Variants in ANKRD27 observed in about 807,000 individuals in gnomAD.
ANKRD27 encodes the protein ankyrin repeat domain-containing protein 27.
Under a neutral mutation model 129.7 loss-of-function variants are expected in ANKRD27, and 112 were observed. The observed-to-expected ratio is 0.86, with a 90% CI of 0.74 to 1.01. The LOEUF is 1.01. ANKRD27 is among the 50% of genes least tolerant of loss of function. The pLI, the probability that ANKRD27 is intolerant of heterozygous loss-of-function variation, is 0.00. For missense variants in ANKRD27, 1,258 were observed against 1,300.5 expected (o/e 0.97, Z 0.50); for synonymous variants, 516 against 511.2 (o/e 1.01, Z -0.13).
At chr19:32,599,365 T>C (rs34540877) in intron 28 of ANKRD27, among the ~76,000 whole-genome samples, 2,972 of 152,326 alleles carry the variant, frequency 0.02, 38 homozygotes, top group Non-Finnish European at 0.029. Context: ...GGAGACATCA[T>C]TTACCCATCT....
chr19:32,602,016 T>G lies in ANKRD27; in HGVS notation c.2766A>C (p.Lys922Asn). Residue 922 changes from lysine (K) to asparagine (N), a missense_variant and splice_region_variant, in exon 26 of 29, where the codon AAA becomes AAC. Lys to Asn is a moderately conservative substitution (Grantham distance 94, BLOSUM62 0). Transcript: ENST00000306065. ...GACAGAAAGAACGTAAACTCTTACA[T>G]TTTTTCCTGATCTTAACAGTGACAT... ...KEYVTVKIRK[K>N]WNSKLYDLPD... 6.2e-7 allele frequency: 1 copy of G among 1,603,340 alleles called. No homozygotes were observed. The highest frequency in any genetic ancestry group is 8.5e-7 in the Non-Finnish European group (1 of 1,172,522).
intron 2 of ANKRD27, 130 bp from the exon 3 acceptor site, chr19:32,649,922 C>A: frequency 1.5e-6 from 1 of 684,544 alleles, no homozygotes; most frequent in South Asian, 1.6e-5. Context: ...GCCCGAGGTC[C>A]CTTGCCAACA....
At chr19:32,624,868 G>A (rs1402505609) in intron 17 of ANKRD27, among the ~76,000 whole-genome samples, 1 of 152,078 alleles carries the variant, frequency 6.6e-6, no homozygotes. Context: ...AGGAGGCTAA[G>A]GCTGCAGTGA....
chr19:32,619,450 T>G, intron 19 of ANKRD27, 44 bp downstream of exon 19: 1 of 1,613,970 alleles, frequency 6.2e-7, no homozygotes, highest in Non-Finnish European at 8.5e-7. Flanking sequence ...GAAGGCGCCC[T>G]TGGTCTCCAA....
At chr19:32,629,397 A>G (rs1490358697) in intron 13 of ANKRD27, among the ~76,000 whole-genome samples, 1 of 152,174 alleles carries the variant, frequency 6.6e-6, no homozygotes, top group Non-Finnish European at 1.5e-5. Flanking sequence ...AAAGTTTCCC[A>G]TAATTAAAAA....
intron 22 of ANKRD27, among the ~76,000 whole-genome samples, chr19:32,608,768 A>G (rs1476612654): frequency 1.3e-5 from 2 of 152,122 alleles, no homozygotes; most frequent in East Asian, 2.0e-4. Context: ...CCTGGCCAAC[A>G]TGGTGAAACC....
chr19:32,600,988 AC>A (rs1380890436), intron 26 of ANKRD27, among the ~76,000 whole-genome samples: 1 of 152,148 alleles, frequency 6.6e-6, no homozygotes, highest in African/African-American at 2.4e-5. Context: ...CAACCTCCGT[AC>A]ACGTACAAAC....
In ANKRD27 at chr19:32,598,188, C is replaced by T. The variant is rs1568392131; in HGVS notation, c.3110G>A (p.Gly1037Asp). ...AACCTCTTGGGGAGTGGAGAGGGGGCCAGCAGCCTCCGGGCCCTGGGACAC... is the reference window on the plus strand; with the variant it reads ...AACCTCTTGGGGAGTGGAGAGGGGGTCAGCAGCCTCCGGGCCCTGGGACAC... Reference protein sequence around the residue: ...AVVSQGPEAAGPLSTPQEVSA... With the variant: ...AVVSQGPEAADPLSTPQEVSA... The change falls in exon 29 of 29, where the codon GGC becomes GAC. Residue 1037 changes from glycine (G) to aspartate (D), a missense_variant. Physicochemically the swap from Gly to Asp is moderately conservative, Grantham distance 94. Coordinates refer to ENST00000306065, the MANE Select transcript of ANKRD27 (RefSeq NM_032139.3). 1.9e-6 allele frequency: 3 copies of T among 1,614,134 alleles called. No homozygotes were observed. Among genetic ancestry groups the T allele is most frequent in the Non-Finnish European group, 2.5e-6 (3 of 1,180,036 alleles).
chr19:32,604,043 G>A (rs1278284687), intron 25 of ANKRD27, among the ~76,000 whole-genome samples: 1 of 152,174 alleles, frequency 6.6e-6, no homozygotes, highest in African/African-American at 2.4e-5. Context: ...AAAACCACCT[G>A]TGAAAAGAAT....
chr19:32,651,316 A>G (rs1967411827), intron 2 of ANKRD27, among the ~76,000 whole-genome samples: 1 of 151,986 alleles, frequency 6.6e-6, no homozygotes, highest in South Asian at 2.1e-4. Flanking sequence ...GACTCACACC[A>G]TCCCATTCAA....
At chr19:32,670,762 G>A (rs1270651321) in intron 1 of ANKRD27, among the ~76,000 whole-genome samples, 1 of 151,932 alleles carries the variant, frequency 6.6e-6, no homozygotes, top group Non-Finnish European at 1.5e-5. Flanking sequence ...GGAAGGCCGA[G>A]GCGGGCTGAT....
At chr19:32,626,029 A>C in intron 16 of ANKRD27, 63 bp from the exon 17 acceptor site, 1 of 1,383,620 alleles carries the variant, frequency 7.2e-7, no homozygotes, top group Non-Finnish European at 9.7e-7. Context: ...CCCGGCCTCC[A>C]GTCTTAGCAG....
At chr19:32,614,764 G>A (rs1261209951) in intron 22 of ANKRD27, among the ~76,000 whole-genome samples, 1 of 152,066 alleles carries the variant, frequency 6.6e-6, no homozygotes, top group Non-Finnish European at 1.5e-5. Flanking sequence ...GAATGTGATG[G>A]TGGATACATA....
At chr19:32,627,382 ATT>A in intron 15 of ANKRD27, among the ~76,000 whole-genome samples, 1 of 92,040 alleles carries the variant, frequency 1.1e-5, no homozygotes, top group Non-Finnish European at 2.8e-5. Context: ...TTATTTATTT[ATT>A]TATTTATTTA....
chr19:32,619,333 T>C lies in ANKRD27; in HGVS notation c.1934A>G (p.Glu645Gly), dbSNP rs1218195802. Residue 645 changes from glutamate (E) to glycine (G), a missense_variant, in exon 20 of 29, where the codon GAG becomes GGG. By Grantham distance (98) the Glu-to-Gly change is moderately conservative (BLOSUM62 -2). Transcript: ENST00000306065. ...GGAGGAGAAGCTGGAAGTGGAGGAC[T>C]CTTGGCTGATGGAGTCCACGGAGCG... The part of the protein sequence containing the change: ...PQRSVDSISQ[E>G]SSTSSFSSMS... 4 of 1,613,788 alleles carry C rather than the reference T, an allele frequency of 2.5e-6. No individual in the cohort carries two copies. Among genetic ancestry groups the C allele is most frequent in the Non-Finnish European group, 3.4e-6 (4 of 1,179,982 alleles).
At chr19:32,635,204 G>A (rs1967067071) in intron 12 of ANKRD27, among the ~76,000 whole-genome samples, 3 of 152,152 alleles carry the variant, frequency 2.0e-5, no homozygotes, top group Admixed American at 2.0e-4. Flanking sequence ...GGCCCAGCAA[G>A]GCACAGCAGA....
Position 32,626,794 on chromosome 19 carries a change from T to C in ANKRD27, c.1454A>G (p.Lys485Arg), listed in dbSNP as rs761223304. The C allele has an allele frequency of 4.8e-5, 78 of 1,611,706 alleles. No individual in the cohort carries two copies. Among genetic ancestry groups the C allele is most frequent in the Middle Eastern group, 3.3e-4 (2 of 6,082 alleles). ...GTCTGTGGCATTTACCATGGCGCCC[T>C]TGGAAACCAGGAGGTCGATGAGGGA... ...QASLIDLLVS[K>R]GAMVNATDYH... The change falls in exon 16 of 29, where the codon AAG (lysine) becomes AGG (arginine). Residue 485 changes from lysine to arginine, a missense_variant. Transcript: ENST00000306065.
At chr19:32,600,953 C>T (rs531837295) in intron 26 of ANKRD27, among the ~76,000 whole-genome samples, 7 of 152,182 alleles carry the variant, frequency 4.6e-5, no homozygotes, top group East Asian at 3.9e-4. Flanking sequence ...CACTGCTGTT[C>T]GGCAACTGCT....
chr19:32,609,383 A>C (rs1457093174), intron 22 of ANKRD27, among the ~76,000 whole-genome samples: 1 of 152,180 alleles, frequency 6.6e-6, no homozygotes, highest in Non-Finnish European at 1.5e-5. Flanking sequence ...AATGTTCACA[A>C]TGGCTTTATT....
Sources: allele counts gnomAD v4.1 joint callset (sites outside exome capture counted in the v4.1 genomes callset), GRCh38; gene constraint gnomAD v4.1.1; transcripts MANE v1.5; gene names NCBI Gene and HGNC (gene_info 2026-07-23, HGNC 2026-07-21).